GRIN2B: variants seen among roughly 807,000 people sequenced by gnomAD.
The protein encoded by GRIN2B is glutamate receptor ionotropic, NMDA 2B.
In GRIN2B, 5 loss-of-function variants were observed where a neutral mutation model predicts 114.5. That is an observed-to-expected ratio of 0.04 (90% CI 0.02 to 0.09). The LOEUF is 0.09. Among genes scored for constraint, GRIN2B ranks in the 10% least tolerant of loss-of-function variants. GRIN2B has a pLI of 1.00. For synonymous variants in GRIN2B, 787 were observed against 745.1 expected (o/e 1.06, Z -0.92); for missense variants, 1,108 against 1,943.5 (o/e 0.57, Z 8.08).
intron 3 of GRIN2B, among the ~76,000 whole-genome samples, chr12:13,803,761 A>T (rs1864555652): frequency 6.6e-6 from 1 of 152,134 alleles, no homozygotes; most frequent in Non-Finnish European, 1.5e-5. Flanking sequence ...TGGGAAGGTG[A>T]TGGGGACAAC....
intron 5 of GRIN2B, among the ~76,000 whole-genome samples, chr12:13,632,314 C>G (rs973266316): frequency 1.3e-5 from 2 of 152,232 alleles, no homozygotes; most frequent in Non-Finnish European, 2.9e-5. Flanking sequence ...AATGTTATCA[C>G]ATGAGTCACT....
At chr12:13,863,582 C>T (rs77292345) in intron 3 of GRIN2B, among the ~76,000 whole-genome samples, 1,923 of 152,292 alleles carry the variant, frequency 0.013, 39 homozygotes, top group African/African-American at 0.045. Context: ...AGGTCGCTAA[C>T]TGGTTAAGAG....
At chr12:13,945,087 G>C (rs539809290) in intron 2 of GRIN2B, among the ~76,000 whole-genome samples, 1 of 152,118 alleles carries the variant, frequency 6.6e-6, no homozygotes, top group Non-Finnish European at 1.5e-5. Context: ...AGAATAGAGT[G>C]GTTCAATAGA....
At chr12:13,837,974 T>C (rs1266891062) in intron 3 of GRIN2B, among the ~76,000 whole-genome samples, 1 of 152,206 alleles carries the variant, frequency 6.6e-6, no homozygotes, top group Non-Finnish European at 1.5e-5. Context: ...ATTTGTTTAA[T>C]AGAAAATACC....
chr12:13,624,494 C>G (rs890620772), intron 5 of GRIN2B, among the ~76,000 whole-genome samples: 1 of 152,278 alleles, frequency 6.6e-6, no homozygotes, highest in Non-Finnish European at 1.5e-5. Flanking sequence ...AAAAAGGCCA[C>G]TGGCATGGCT....
At chr12:13,907,397 C>T (rs1362074835) in intron 2 of GRIN2B, among the ~76,000 whole-genome samples, 2 of 151,314 alleles carry the variant, frequency 1.3e-5, no homozygotes, top group Admixed American at 6.6e-5. Flanking sequence ...GGCTGAGACA[C>T]GAGAATTGCT....
intron 10 of GRIN2B, among the ~76,000 whole-genome samples, chr12:13,574,359 TAGA>T (rs1419195752): frequency 6.6e-6 from 1 of 152,212 alleles, no homozygotes; most frequent in Non-Finnish European, 1.5e-5. Flanking sequence ...ATAACTATGG[TAGA>T]TAGCAATACA....
At chr12:13,674,861 A>G (rs1214240773) in intron 5 of GRIN2B, among the ~76,000 whole-genome samples, 2 of 152,166 alleles carry the variant, frequency 1.3e-5, no homozygotes, top group African/African-American at 4.8e-5. Flanking sequence ...TCCAAGGGTT[A>G]GTATGTTCCA....
At chr12:13,621,308 G>A (rs1428417949) in intron 5 of GRIN2B, among the ~76,000 whole-genome samples, 2 of 152,180 alleles carry the variant, frequency 1.3e-5, no homozygotes, top group Non-Finnish European at 2.9e-5. Context: ...AGTGCAGACA[G>A]CGGTAGAACA....
intron 11 of GRIN2B, 77 bp from the exon 12 acceptor site, chr12:13,570,094 C>G (rs1435839247): frequency 1.8e-5 from 18 of 981,752 alleles, no homozygotes; most frequent in Non-Finnish European, 2.9e-5. Context: ...TAATATGAAG[C>G]AGTAGGGTTC....
At chr12:13,968,312 T>C (rs974493582) in intron 2 of GRIN2B, among the ~76,000 whole-genome samples, 2 of 152,260 alleles carry the variant, frequency 1.3e-5, no homozygotes, top group African/African-American at 4.8e-5. Flanking sequence ...ATATAGCCCA[T>C]GTGTATATTA....
intron 3 of GRIN2B, among the ~76,000 whole-genome samples, chr12:13,762,251 C>T (rs1265795628): frequency 1.3e-5 from 2 of 152,192 alleles, no homozygotes; most frequent in Non-Finnish European, 2.9e-5. Flanking sequence ...GATCCTCCCA[C>T]CTCGGCCTCC....
At chr12:13,674,492 C>G (rs1244335124) in intron 5 of GRIN2B, among the ~76,000 whole-genome samples, 1 of 152,056 alleles carries the variant, frequency 6.6e-6, no homozygotes, top group Non-Finnish European at 1.5e-5. Flanking sequence ...ACTGCCTGAG[C>G]CACACATGCC....
intron 3 of GRIN2B, among the ~76,000 whole-genome samples, chr12:13,754,741 A>G (rs1406002599): frequency 6.6e-6 from 1 of 152,210 alleles, no homozygotes; most frequent in Non-Finnish European, 1.5e-5. Flanking sequence ...TACTTCAGAC[A>G]TATAGAAGAT....
At chr12:13,902,479 A>G (rs969995446) in intron 2 of GRIN2B, among the ~76,000 whole-genome samples, 2 of 152,214 alleles carry the variant, frequency 1.3e-5, no homozygotes, top group African/African-American at 2.4e-5. Context: ...ACTAAGGATT[A>G]TCATCTCTTT....
intron 3 of GRIN2B, among the ~76,000 whole-genome samples, chr12:13,790,911 A>G (rs1208203029): frequency 6.6e-6 from 1 of 152,184 alleles, no homozygotes; most frequent in Non-Finnish European, 1.5e-5. Flanking sequence ...GAAGCAGAAC[A>G]AGTCCAGAGG....
intron 4 of GRIN2B, among the ~76,000 whole-genome samples, chr12:13,738,969 A>G (rs1863230362): frequency 6.6e-6 from 1 of 152,198 alleles, no homozygotes; most frequent in Admixed American, 6.5e-5. Flanking sequence ...GGAACTCAAA[A>G]CACAGAAAAA....
In GRIN2B at chr12:13,620,879, G is replaced by A. The variant is rs548429112; in HGVS notation, c.1126-4222C>T. On this transcript the variant is annotated intron_variant, in intron 5 of 13. Coordinates refer to ENST00000609686, the MANE Select transcript of GRIN2B (RefSeq NM_000834.5). ...CTTAAAGTCGTTATTTTTTTTTTTC[G>A]TTTCTTCAAGGAAATGAAAAAAAAA... 5.7e-5 allele frequency among the ~76,000 whole-genome samples: 8 copies of A among 139,368 alleles called. No individual in the cohort carries two copies. The East Asian group carries it at 1.1e-3, about 18-fold the overall frequency. 91.4% of individuals were successfully genotyped at this position (139,368 alleles called of 152,430 possible).
chr12:13,575,865 A>G (rs902710783), intron 10 of GRIN2B, among the ~76,000 whole-genome samples: 14 of 152,152 alleles, frequency 9.2e-5, no homozygotes, highest in Admixed American at 6.6e-4. Context: ...GTATTATTTT[A>G]ATGAATAAGA....
Sources: allele counts gnomAD v4.1 joint callset (sites outside exome capture counted in the v4.1 genomes callset), GRCh38; gene constraint gnomAD v4.1.1; transcripts MANE v1.5; gene names NCBI Gene and HGNC (gene_info 2026-07-23, HGNC 2026-07-21).